Variants in RAPGEF2 observed in about 807,000 individuals in gnomAD.
The protein encoded by RAPGEF2 is Rap guanine nucleotide exchange factor 2, also known as PDZ domain containing guanine nucleotide exchange factor (GEF) 1.
A neutral mutation model predicts 186.7 loss-of-function variants in RAPGEF2; 54 were observed. The ratio of observed to expected loss-of-function variants is 0.29; its 90% confidence interval spans 0.23 to 0.36. The LOEUF (loss-of-function observed/expected upper bound fraction) is 0.36. RAPGEF2 is among the 10% of genes least tolerant of loss of function. The pLI, the probability that RAPGEF2 is intolerant of heterozygous loss-of-function variation, is 1.00. For synonymous variants in RAPGEF2, 712 were observed against 705.9 expected (o/e 1.01, Z -0.14); for missense variants, 1,532 against 2,045.0 (o/e 0.75, Z 4.84).
chr4:159,331,976 T>G lies in RAPGEF2; in HGVS notation c.1830T>G (p.Ala610=). Residue 610 remains alanine (A), a synonymous_variant, in exon 16 of 30, where the codon GCT becomes GCG. Coordinates refer to ENST00000691494, the MANE Select transcript of RAPGEF2 (RefSeq NM_001394067.2). ...QNFENIQLSK[A]MEILRNNTHL... is the part of the protein sequence containing the mutation. Reference sequence around the variant, plus strand: ...TTGAAAACATTCAGCTGTCAAAAGCTATGGAAATTCTTAGAAATAACACAC... The same window carrying G: ...TTGAAAACATTCAGCTGTCAAAAGCGATGGAAATTCTTAGAAATAACACAC... 1 of 1,609,914 alleles carries G rather than the reference T, an allele frequency of 6.2e-7. No homozygotes were observed. Among genetic ancestry groups the G allele is most frequent in the Admixed American group, 1.7e-5 (1 of 59,482 alleles).
At position 159,287,118 on chromosome 4, in the gene RAPGEF2, A is replaced by AT. The variant is rs986957566; in HGVS notation, c.544-17214dup. Among the ~76,000 whole-genome samples the AT allele has an allele frequency of 3.8e-3, 577 of 150,432 alleles. 4 individuals carry two copies. The highest frequency in any genetic ancestry group is 0.013 in the African/African-American group (547 of 41,036). The stretch of plus-strand genomic sequence containing the variant: ...TAGATAATTGTTTCATCTTGAGAGG[A>AT]TTTTTTTTTTCTCTTTTGACTAGAT... On this transcript the variant is annotated intron_variant, in intron 7 of 29. Coordinates refer to ENST00000691494, the MANE Select transcript of RAPGEF2 (RefSeq NM_001394067.2).
chr4:159,119,568 CCT>C (rs557858562), intron 1 of RAPGEF2, among the ~76,000 whole-genome samples: 94 of 152,232 alleles, frequency 6.2e-4, no homozygotes, highest in African/African-American at 2.2e-3. Flanking sequence ...TCTCAGGAGA[CCT>C]CTTTGAAAGT....
At chr4:159,194,656 A>G (rs1463965180) in intron 3 of RAPGEF2, among the ~76,000 whole-genome samples, 2 of 151,858 alleles carry the variant, frequency 1.3e-5, no homozygotes, top group Non-Finnish European at 2.9e-5. Flanking sequence ...ACTCTTTAAT[A>G]TCATGAAAAT....
At chr4:159,314,850 C>A in intron 9 of RAPGEF2, 82 bp downstream of exon 9, 1 of 1,259,632 alleles carries the variant, frequency 7.9e-7, no homozygotes, top group Non-Finnish European at 1.1e-6. Context: ...GAGCCCAAGA[C>A]TAGTAGGCTT....
At chr4:159,263,067 C>G (rs1757051565) in intron 7 of RAPGEF2, among the ~76,000 whole-genome samples, 1 of 152,048 alleles carries the variant, frequency 6.6e-6, no homozygotes, top group Non-Finnish European at 1.5e-5. Context: ...ACCAGAAGTG[C>G]CATTTCACTT....
chr4:159,339,485 GTT>G, intron 19 of RAPGEF2, 131 bp downstream of exon 19: 3 of 1,079,976 alleles, frequency 2.8e-6, no homozygotes, highest in Non-Finnish European at 3.8e-6. Flanking sequence ...TATTGTTGTT[GTT>G]TTTTTTTTCC....
At chr4:159,251,575 C>CT (rs1755400672) in intron 7 of RAPGEF2, among the ~76,000 whole-genome samples, 1 of 152,116 alleles carries the variant, frequency 6.6e-6, no homozygotes, top group Non-Finnish European at 1.5e-5. Context: ...AATCAGCACT[C>CT]TGTCTAGCTA....
chr4:159,239,016 T>G, intron 5 of RAPGEF2, 132 bp downstream of exon 5: 3 of 475,376 alleles, frequency 6.3e-6, no homozygotes, highest in Middle Eastern at 5.8e-4. Flanking sequence ...ACAGATATAT[T>G]TATTTCACAA....
At chr4:159,322,200 C>T in intron 9 of RAPGEF2, 147 bp from the exon 10 acceptor site, 1 of 587,542 alleles carries the variant, frequency 1.7e-6, no homozygotes, top group East Asian at 2.9e-5. Flanking sequence ...GCAAGAAATT[C>T]AGCTGGTGCT....
intron 26 of RAPGEF2, among the ~76,000 whole-genome samples, chr4:159,351,338 T>G (rs1465971929): frequency 6.6e-6 from 1 of 152,176 alleles, no homozygotes; most frequent in Non-Finnish European, 1.5e-5. Context: ...AGGGAGGGCT[T>G]TAAATCTTAT....
intron 19 of RAPGEF2, 106 bp downstream of exon 19, chr4:159,339,460 C>T: frequency 7.4e-7 from 1 of 1,347,654 alleles, no homozygotes; most frequent in Non-Finnish European, 1.0e-6. Context: ...AGTAAGTGTC[C>T]CTGCGATTAA....
At chr4:159,167,412 C>T (rs942613320) in intron 1 of RAPGEF2, among the ~76,000 whole-genome samples, 15 of 152,062 alleles carry the variant, frequency 9.9e-5, no homozygotes, top group African/African-American at 3.1e-4. Context: ...AGAATAGATG[C>T]GATATCTTAG....
chr4:159,282,010 T>C (rs964315954), intron 7 of RAPGEF2, among the ~76,000 whole-genome samples: 3 of 152,186 alleles, frequency 2.0e-5, no homozygotes, highest in African/African-American at 7.2e-5. Flanking sequence ...GGCAGATTGC[T>C]TCAATGTTCA....
At chr4:159,210,739 A>G in intron 4 of RAPGEF2, among the ~76,000 whole-genome samples, 156 bp downstream of exon 4, 1 of 152,202 alleles carries the variant, frequency 6.6e-6, no homozygotes, top group Non-Finnish European at 1.5e-5. Context: ...TTAAGAAATA[A>G]CTTTGTTTTG....
intron 1 of RAPGEF2, chr4:159,128,689 T>C (rs1324996131): frequency 7.9e-5 from 12 of 151,906 alleles, no homozygotes; most frequent in Admixed American, 6.6e-4. Context: ...GAGCTTTCTC[T>C]TTGCCAAAAC....
chr4:159,285,587 G>A (rs564702575), intron 7 of RAPGEF2, among the ~76,000 whole-genome samples: 4 of 152,178 alleles, frequency 2.6e-5, no homozygotes, highest in South Asian at 2.1e-4. Flanking sequence ...AAGCAAAAGT[G>A]TAGACGTTTA....
At chr4:159,271,024 A>G (rs940520654) in intron 7 of RAPGEF2, among the ~76,000 whole-genome samples, 4 of 152,208 alleles carry the variant, frequency 2.6e-5, no homozygotes, top group African/African-American at 9.6e-5. Flanking sequence ...ATTTTTCAAA[A>G]GACTCCTGTA....
intron 7 of RAPGEF2, among the ~76,000 whole-genome samples, chr4:159,279,174 A>T (rs1160485322): frequency 6.6e-6 from 1 of 152,214 alleles, no homozygotes; most frequent in Non-Finnish European, 1.5e-5. Context: ...GAATCCTCAC[A>T]ATAATGTAAG....
Position 159,353,407 on chromosome 4 carries a change from A to C in RAPGEF2, c.4092-80A>C. 2 of 1,137,894 alleles carry C rather than the reference A, an allele frequency of 1.8e-6. No individual in the cohort carries two copies. 70.5% of individuals were successfully genotyped at this position (1,137,894 alleles called of 1,614,324 possible). A position where few individuals can be genotyped will look rare whatever the true frequency, so the allele number is the denominator to read the frequency against. ...AAAGCAAGCTACCTTTCTAGGAAAA[A>C]GGGTATTTTGGTTTTATCATAGGTG... On this transcript the variant is annotated intron_variant, in intron 27 of 29. Coordinates refer to ENST00000691494, the MANE Select transcript of RAPGEF2 (RefSeq NM_001394067.2). This position sits in a 1 kb window ranked among gnomAD's most constrained non-coding sequence, Gnocchi z 4.3.
Sources: gnomAD v4.1 joint callset for allele counts (sites outside exome capture counted in the v4.1 genomes callset) on GRCh38, gnomAD v4.1.1 for gene constraint, Gnocchi (gnomAD v3.1) non-coding constraint, MANE v1.5 for transcripts, NCBI Gene and HGNC (gene_info 2026-07-23, HGNC 2026-07-21) for gene names.